Variants in CACNA2D2 observed in about 807,000 individuals in gnomAD.
CACNA2D2 encodes calcium voltage-gated channel auxiliary subunit alpha2delta 2, also known as voltage-dependent calcium channel subunit alpha-2/delta-2.
In CACNA2D2, 48 loss-of-function variants were observed where a neutral mutation model predicts 166.4. The observed-to-expected ratio is 0.29, with a 90% CI of 0.23 to 0.37. The LOEUF (loss-of-function observed/expected upper bound fraction) is 0.37, where lower values mean the gene tolerates loss of function less well. Among genes scored for constraint, CACNA2D2 ranks in the 10% least tolerant of loss-of-function variants. CACNA2D2 has a pLI of 1.00. For synonymous variants in CACNA2D2, 561 were observed against 573.7 expected (o/e 0.98, Z 0.32); for missense variants, 1,122 against 1,433.0 (o/e 0.78, Z 3.50).
chr3:50,386,451 A>G (rs1252357886), intron 5 of CACNA2D2, among the ~76,000 whole-genome samples: 1 of 152,250 alleles, frequency 6.6e-6, no homozygotes, highest in African/African-American at 2.4e-5. Context: ...AATTAGATTC[A>G]GGGTCTAATT....
chr3:50,425,266 G>A (rs1173281523), intron 3 of CACNA2D2, among the ~76,000 whole-genome samples: 1 of 152,202 alleles, frequency 6.6e-6, no homozygotes, highest in Admixed American at 6.5e-5. Context: ...GATTCAGCCT[G>A]AGTCAGTTCT....
At chr3:50,434,900 T>C (rs1177326448) in intron 2 of CACNA2D2, among the ~76,000 whole-genome samples, 1 of 152,228 alleles carries the variant, frequency 6.6e-6, no homozygotes, top group Non-Finnish European at 1.5e-5. Context: ...CACACAGCCA[T>C]GCCTCCACGC....
chr3:50,459,407 C>T (rs933808174), intron 2 of CACNA2D2, among the ~76,000 whole-genome samples: 15 of 152,076 alleles, frequency 9.9e-5, no homozygotes, highest in African/African-American at 3.1e-4. Context: ...TACTAATCTG[C>T]TGGGCCTGGG....
intron 2 of CACNA2D2, among the ~76,000 whole-genome samples, chr3:50,452,534 GGGTGCAACATCTCA>G (rs1709149996): frequency 6.6e-6 from 1 of 152,216 alleles, no homozygotes; most frequent in Non-Finnish European, 1.5e-5. Flanking sequence ...ACCTGTGAAT[GGGTGCAACATCTCA>G]GGTGTCAGAC....
At chr3:50,393,117 G>A (rs754397769) in intron 4 of CACNA2D2, among the ~76,000 whole-genome samples, 2 of 152,142 alleles carry the variant, frequency 1.3e-5, no homozygotes, top group East Asian at 3.9e-4. Flanking sequence ...GTGAATCTCT[G>A]CCACCAACAG....
At chr3:50,468,943 C>T (rs1352815776) in intron 2 of CACNA2D2, among the ~76,000 whole-genome samples, 1 of 151,922 alleles carries the variant, frequency 6.6e-6, no homozygotes, top group African/African-American at 2.4e-5. Flanking sequence ...ATTTTCCTGC[C>T]TCAGCATCCC....
intron 17 of CACNA2D2, among the ~76,000 whole-genome samples, chr3:50,377,238 G>C (rs764542930): frequency 6.6e-6 from 1 of 152,196 alleles, no homozygotes; most frequent in Non-Finnish European, 1.5e-5. Flanking sequence ...TAAGAGATGG[G>C]TATGTAGGTC....
chr3:50,441,213 T>C (rs1032986698), intron 2 of CACNA2D2, among the ~76,000 whole-genome samples: 1 of 151,964 alleles, frequency 6.6e-6, no homozygotes, highest in East Asian at 1.9e-4. Flanking sequence ...AAGAGGCAAC[T>C]TCTAGGAGCT....
chr3:50,392,666 C>T (rs1705941229), intron 4 of CACNA2D2, among the ~76,000 whole-genome samples: 1 of 152,206 alleles, frequency 6.6e-6, no homozygotes, highest in South Asian at 2.1e-4. Flanking sequence ...CCATCAGCGG[C>T]TTGGCACCCA....
At position 50,369,774 on chromosome 3, in the gene CACNA2D2, C is replaced by T. The variant is rs775915695; in HGVS notation, c.2045+546G>A. 2.0e-4 allele frequency among the ~76,000 whole-genome samples: 31 copies of T among 152,338 alleles called. No individual in the cohort carries two copies. In the Middle Eastern group the frequency reaches 0.01, roughly 50 times the overall value. On this transcript the variant is annotated intron_variant, in intron 23 of 37. Coordinates refer to ENST00000424201, the MANE Select transcript of CACNA2D2 (RefSeq NM_006030.4). ...CCAGGCCTGGGCTTGCTCGGGGCCC[C>T]GTCTCCTCATCTGATGGAGCAGCTC...
In CACNA2D2 at chr3:50,375,641, T is replaced by G. The variant is rs1263024687; in HGVS notation, c.1907+3A>C. On this transcript the variant is annotated splice_donor_region_variant and intron_variant, in intron 21 of 37. Coordinates refer to ENST00000424201, the MANE Select transcript of CACNA2D2 (RefSeq NM_006030.4). This position sits in a 1 kb window ranked among gnomAD's most constrained non-coding sequence, Gnocchi z 4.0. The stretch of plus-strand genomic sequence containing the variant: ...CTGCCCGCCCAGCCCTGGCCTCACT[T>G]ACCTGTAGTTAGTGCTCCTTATAGG... The G allele has an allele frequency of 6.2e-7, 1 of 1,613,016 alleles. No individual in the cohort carries two copies. The highest frequency in any genetic ancestry group is 8.5e-7 in the Non-Finnish European group (1 of 1,179,826).
rs199862239 is a variant in CACNA2D2 at position 50,374,777 on chromosome 3, G to A, written c.1944C>T (p.Tyr648=). 1.3e-6 allele frequency: 2 copies of A among 1,598,498 alleles called. No homozygotes were observed. The highest frequency in any genetic ancestry group is 1.7e-5 in the Admixed American group (1 of 57,898). Residue 648 remains tyrosine (Y), a synonymous_variant, in exon 22 of 38, where the codon TAC becomes TAT. Transcript: ENST00000424201. The part of the protein sequence containing the change: ...GLVLPPYSTF[Y]LQANLSDQIL... ...TCTGGTCACTGAGATTGGCTTGGAGGTAGAAGGTGCTGTAGGGTGGGAGCA... is the reference window on the plus strand; with the variant it reads ...TCTGGTCACTGAGATTGGCTTGGAGATAGAAGGTGCTGTAGGGTGGGAGCA...
In CACNA2D2 at chr3:50,366,211, A is replaced by G; in HGVS notation, c.2710-48T>C. 1 of 1,613,914 alleles carries G rather than the reference A, an allele frequency of 6.2e-7. No homozygotes were observed. The highest frequency in any genetic ancestry group is 8.5e-7 in the Non-Finnish European group (1 of 1,179,902). On this transcript the variant is annotated intron_variant, in intron 31 of 37. Coordinates refer to ENST00000424201, the MANE Select transcript of CACNA2D2 (RefSeq NM_006030.4). This position sits in a 1 kb window ranked among gnomAD's most constrained non-coding sequence, Gnocchi z 5.9. Reference sequence around the variant, plus strand: ...ATGGTCACAGGGCTGGCAGTGCTACACCCCTAGAAGGCTCAAATCCCTACT... The same window carrying G: ...ATGGTCACAGGGCTGGCAGTGCTACGCCCCTAGAAGGCTCAAATCCCTACT...
At chr3:50,438,529 C>T (rs1431223395) in intron 2 of CACNA2D2, among the ~76,000 whole-genome samples, 1 of 152,172 alleles carries the variant, frequency 6.6e-6, no homozygotes, top group Admixed American at 6.5e-5. Flanking sequence ...CTGGAGGACC[C>T]TTGCAGGAAT....
rs587688491 is a variant in CACNA2D2, at chr3:50,376,316, C to G, written c.1627-128G>C. 25 of 981,114 alleles carry G rather than the reference C, an allele frequency of 2.5e-5. No homozygotes were observed. The East Asian group carries it at 6.3e-4, about 25-fold the overall frequency. The allele number at this position is 981,114 out of a possible 1,614,324, so 60.8% of individuals were successfully genotyped here. A position where few individuals can be genotyped will look rare whatever the true frequency, so the allele number is the denominator to read the frequency against. ...TGTTTGCCTGCCTTGGGCTAAGGGC[C>G]CCCCCATGCCACGTGGCCCTAAGCC... is the stretch of plus-strand genomic sequence containing the variant. On this transcript the variant is annotated intron_variant, in intron 17 of 37. Transcript: ENST00000424201. This position sits in a 1 kb window ranked among gnomAD's most constrained non-coding sequence, Gnocchi z 4.3.
Position 50,379,103 on chromosome 3 carries a change from G to C in CACNA2D2, c.1249C>G (p.Pro417Ala), listed in dbSNP as rs1575602286. The change falls in exon 12 of 38, where the codon CCA becomes GCA. Residue 417 changes from proline (P) to alanine (A), a missense_variant. Pro to Ala is a conservative substitution (Grantham distance 27). This residue lies in a region of CACNA2D2 where 840 missense variants were observed against 1,166.8 expected (regional missense o/e 0.72). Coordinates refer to ENST00000424201, the MANE Select transcript of CACNA2D2 (RefSeq NM_006030.4). The surrounding 1 kb of genome is among the most constrained non-coding windows in gnomAD (Gnocchi z 6.5). Reference sequence around the variant, plus strand: ...CGGTTGAGCCTCACCGTCCGGTTTGGCCAATTGTACTTCTCAAAGACGTCC... The same window carrying C: ...CGGTTGAGCCTCACCGTCCGGTTTGCCCAATTGTACTTCTCAAAGACGTCC... Reference protein sequence around the residue: ...VQDVFEKYNWPNRTVRVFTFS... With the variant: ...VQDVFEKYNWANRTVRVFTFS... 1.2e-6 allele frequency: 2 copies of C among 1,613,716 alleles called. No homozygotes were observed. Among genetic ancestry groups the C allele is most frequent in the African/African-American group, 1.3e-5 (1 of 75,054 alleles).
At chr3:50,476,886 C>T (rs1274488776) in intron 1 of CACNA2D2, among the ~76,000 whole-genome samples, 1 of 152,138 alleles carries the variant, frequency 6.6e-6, no homozygotes, top group African/African-American at 2.4e-5. Context: ...AGCAGGTCTC[C>T]CTCACACTGG....
chr3:50,479,616 C>G (rs899876906), intron 1 of CACNA2D2, among the ~76,000 whole-genome samples: 2 of 152,188 alleles, frequency 1.3e-5, no homozygotes, highest in African/African-American at 4.8e-5. Context: ...GCCTTGTGGA[C>G]GAGAAGCCAC....
At chr3:50,377,966 G>A (rs772023401) in intron 15 of CACNA2D2, 42 bp downstream of exon 15, 2 of 1,584,734 alleles carry the variant, frequency 1.3e-6, no homozygotes, top group East Asian at 2.2e-5. Context: ...ATCTCCGGGG[G>A]AAGGGTGCCA....
Sources: gnomAD v4.1 joint callset for allele counts (sites outside exome capture counted in the v4.1 genomes callset) on GRCh38, gnomAD v4.1.1 for gene constraint, gnomAD v4.1.1 regional missense constraint, Gnocchi (gnomAD v3.1) non-coding constraint, MANE v1.5 for transcripts, NCBI Gene and HGNC (gene_info 2026-07-23, HGNC 2026-07-21) for gene names.